The following CASP9 variants were observed in gnomAD, a reference collection of about 807,000 sequenced individuals.
CASP9 encodes caspase 9, also known as caspase-9.
CASP9 carries 29 observed loss-of-function variants against 43.5 expected under a neutral mutation model. The ratio of observed to expected loss-of-function variants is 0.67; its 90% CI spans 0.50 to 0.91. The LOEUF (loss-of-function observed/expected upper bound fraction) is 0.91, where lower values mean the gene tolerates loss of function less well. Among genes scored for constraint, CASP9 ranks in the 40% least tolerant of loss-of-function variants. The pLI, the probability that CASP9 is intolerant of heterozygous loss-of-function variation, is 0.00. For missense variants in CASP9, 575 were observed against 537.4 expected, an observed-to-expected ratio of 1.07 and a Z score of -0.69; for synonymous variants, 206 against 211.9, an observed-to-expected ratio of 0.97 and a Z score of 0.24.
intron 6 of CASP9, 139 bp from the exon 7 acceptor site, chr1:15,495,591 A>G (rs569412683): frequency 1.6e-5 from 12 of 747,702 alleles, no homozygotes; most frequent in East Asian, 3.4e-5. Context: ...TCATTAAGCC[A>G]AACGGAAAAG....
chr1:15,500,376 G>A (rs529090231), intron 6 of CASP9, among the ~76,000 whole-genome samples: 1 of 152,292 alleles, frequency 6.6e-6, no homozygotes, highest in Non-Finnish European at 1.5e-5. Context: ...GGAAGTCACA[G>A]TTCACCCAGA....
chr1:15,494,372 C>T (rs1271410408), intron 7 of CASP9, among the ~76,000 whole-genome samples: 2 of 152,076 alleles, frequency 1.3e-5, no homozygotes, highest in African/African-American at 4.8e-5. Context: ...CTTGACCAGC[C>T]TGGCCAACAT....
chr1:15,516,916 C>A (rs1244147018), intron 2 of CASP9, among the ~76,000 whole-genome samples: 2 of 152,218 alleles, frequency 1.3e-5, no homozygotes, highest in African/African-American at 2.4e-5. Flanking sequence ...TGATTTGGCA[C>A]AAGTCATCTC....
rs747984094 is a variant in CASP9 at position 15,492,810 on chromosome 1, G to A, written c.*133C>T. On this transcript the variant is annotated 3_prime_UTR_variant, in exon 9 of 9. Coordinates refer to ENST00000333868, the MANE Select transcript of CASP9 (RefSeq NM_001229.5). ...AGCTGCTAAGAGCCTGTCTGTCACT[G>A]GCAGAGAAAGAGCAGACCCTGTGCC... 10 of 1,250,222 alleles carry A rather than the reference G, an allele frequency of 8.0e-6. No individual in the cohort carries two copies. The highest frequency in any genetic ancestry group is 1.1e-5 in the Non-Finnish European group (10 of 903,544). The allele number at this position is 1,250,222 out of a possible 1,614,324, so 77.4% of individuals were successfully genotyped here.
chr1:15,509,505 G>A (rs1709659389), intron 2 of CASP9, among the ~76,000 whole-genome samples: 2 of 151,010 alleles, frequency 1.3e-5, no homozygotes, highest in Admixed American at 1.3e-4. Flanking sequence ...CGAGGGGGCA[G>A]GCGCCTGTAA....
chr1:15,519,367 G>A (rs745970469), intron 1 of CASP9, among the ~76,000 whole-genome samples: 8 of 151,508 alleles, frequency 5.3e-5, no homozygotes, highest in Non-Finnish European at 1.0e-4. Flanking sequence ...TTTTGGTTAA[G>A]ACAGGGTTTC....
chr1:15,509,577 G>C (rs1709676144), intron 2 of CASP9, among the ~76,000 whole-genome samples: 1 of 151,728 alleles, frequency 6.6e-6, no homozygotes, highest in Admixed American at 6.6e-5. Flanking sequence ...AGAGGTTGCA[G>C]TGAGTCGAGA....
chr1:15,518,883 T>C lies in CASP9; in HGVS notation c.133-488A>G, dbSNP rs35002772. 1.4e-4 allele frequency among the ~76,000 whole-genome samples: 21 copies of C among 151,798 alleles called. No individual in the cohort carries two copies. In the East Asian group the frequency reaches 3.7e-3, roughly 27 times the overall value. On this transcript the variant is annotated intron_variant, in intron 1 of 8. Transcript: ENST00000333868. ...TTTTGGTTTTGTTTTTGTTTTTTTT[T>C]TTTTTTCTTGAGACGGAGTCTCACT...
intron 4 of CASP9, 57 bp downstream of exon 4, chr1:15,506,842 G>T (rs1050750230): frequency 2.0e-6 from 3 of 1,467,120 alleles, no homozygotes; most frequent in African/African-American, 2.8e-5. Flanking sequence ...TCCCTCAAAA[G>T]ATACTTCCCC....
At chr1:15,523,930 C>G (rs1295505300) in intron 1 of CASP9, 139 bp downstream of exon 1, 2 of 608,172 alleles carry the variant, frequency 3.3e-6, no homozygotes, top group African/African-American at 3.9e-5. Context: ...AGCGAACACC[C>G]GACTAAGAGG....
intron 6 of CASP9, 63 bp downstream of exon 6, chr1:15,504,548 A>G: frequency 6.6e-7 from 1 of 1,525,814 alleles, no homozygotes; most frequent in Non-Finnish European, 8.8e-7. Flanking sequence ...GGCTGGAGAA[A>G]GAAGCAGGTG....
chr1:15,506,174 C>A, intron 4 of CASP9, 95 bp from the exon 5 acceptor site: 1 of 829,010 alleles, frequency 1.2e-6, no homozygotes. Flanking sequence ...CCTGGCCAGG[C>A]ATGGTGGTTC....
At chr1:15,493,587 G>T in intron 8 of CASP9, 2 of 1,432,826 alleles carry the variant, frequency 1.4e-6, no homozygotes, top group Non-Finnish European at 1.8e-6. Flanking sequence ...TCAGGGTCTG[G>T]ACAGAGCCAT....
intron 2 of CASP9, among the ~76,000 whole-genome samples, chr1:15,514,260 C>G (rs529883775): frequency 7.9e-5 from 12 of 152,234 alleles, no homozygotes; most frequent in Non-Finnish European, 1.2e-4. Flanking sequence ...CCTTGGAGGT[C>G]GGGGAAAAAT....
intron 6 of CASP9, among the ~76,000 whole-genome samples, chr1:15,501,682 T>C (rs2103339964): frequency 6.6e-6 from 1 of 152,362 alleles, no homozygotes; most frequent in South Asian, 2.1e-4. Flanking sequence ...CACTGCATGC[T>C]GGCTTTGAAA....
chr1:15,506,846 C>T (rs2103351081), intron 4 of CASP9, 53 bp downstream of exon 4: 1 of 1,481,972 alleles, frequency 6.7e-7, no homozygotes, highest in East Asian at 2.3e-5. Flanking sequence ...TCAAAAGATA[C>T]TTCCCCACCC....
In CASP9 at chr1:15,493,038, G is replaced by A. The variant is rs543529454; in HGVS notation, c.1159-3C>T. 3.1e-5 allele frequency: 50 copies of A among 1,613,976 alleles called. No individual in the cohort carries two copies. In the South Asian group the frequency reaches 5.4e-4, roughly 17 times the overall value. Reference sequence around the variant, plus strand: ...TTCACCGAAACAGCATTAGCGACCTGTAAGACATGACCATGGAGAGCTCTG... The same window carrying A: ...TTCACCGAAACAGCATTAGCGACCTATAAGACATGACCATGGAGAGCTCTG... On this transcript the variant is annotated splice_region_variant and splice_polypyrimidine_tract_variant and intron_variant, in intron 8 of 8. Coordinates refer to ENST00000333868, the MANE Select transcript of CASP9 (RefSeq NM_001229.5).
chr1:15,494,012 AG>A lies in CASP9; in HGVS notation c.1049-12del, dbSNP rs769664557. 6.4e-7 allele frequency: 1 copy of A among 1,569,018 alleles called. No individual in the cohort carries two copies. Among genetic ancestry groups the A allele is most frequent in the Non-Finnish European group, 8.6e-7 (1 of 1,158,290 alleles). On this transcript the variant is annotated splice_polypyrimidine_tract_variant and intron_variant, in intron 7 of 8. Transcript: ENST00000333868. ...TCCAGGAAACAAAACCTTTGGAGGG[AG>A]GAGGGCTGAACACTGCTGGAGAGCC...
At chr1:15,514,419 T>C (rs1039478881) in intron 2 of CASP9, among the ~76,000 whole-genome samples, 1 of 152,192 alleles carries the variant, frequency 6.6e-6, no homozygotes, top group Non-Finnish European at 1.5e-5. Flanking sequence ...GAAACCTACC[T>C]TGGGAAACAT....
Sources: allele counts gnomAD v4.1 joint callset (sites outside exome capture counted in the v4.1 genomes callset), GRCh38; gene constraint gnomAD v4.1.1; transcripts MANE v1.5; gene names NCBI Gene and HGNC (gene_info 2026-07-23, HGNC 2026-07-21).